GALK2: variants seen among roughly 807,000 people sequenced by gnomAD.
GALK2 encodes N-acetylgalactosamine kinase.
Under a neutral mutation model 52.4 loss-of-function variants are expected in GALK2, and 36 were observed. The ratio of observed to expected loss-of-function variants is 0.69; its 90% CI spans 0.53 to 0.91. GALK2 has a LOEUF of 0.91. Ranked by LOEUF, GALK2 falls within the 40% of genes least tolerant of loss-of-function variation. GALK2 has a pLI of 0.00. For missense variants in GALK2, 579 were observed against 559.1 expected, an observed-to-expected ratio of 1.04 and a Z score of -0.36; for synonymous variants, 176 against 199.1, an observed-to-expected ratio of 0.88 and a Z score of 0.98.
rs775892131 is a variant in GALK2 at position 49,217,277 on chromosome 15, A to G, written c.230A>G (p.Tyr77Cys). Residue 77 changes from tyrosine (Y) to cysteine (C), a missense_variant, in exon 3 of 10, where the codon TAC (tyrosine) becomes TGC (cysteine). By Grantham distance (194) the Tyr-to-Cys change is radical. Transcript: ENST00000560031. ...VLIAVEPVKT[Y>C]ALQLANTNPL... is the part of the protein sequence containing the mutation. Reference sequence around the variant, plus strand: ...ATAGCTGTAGAACCTGTGAAAACGTACGCTCTCCAACTGGCCAATACAAAT... The same window carrying G: ...ATAGCTGTAGAACCTGTGAAAACGTGCGCTCTCCAACTGGCCAATACAAAT... 23 of 1,613,832 alleles carry G rather than the reference A, an allele frequency of 1.4e-5. No homozygotes were observed. Among genetic ancestry groups the G allele is most frequent in the Non-Finnish European group, 1.9e-5 (22 of 1,179,842 alleles).
intron 1 of GALK2, among the ~76,000 whole-genome samples, chr15:49,198,749 G>C (rs2087459090): frequency 6.6e-6 from 1 of 151,260 alleles, no homozygotes; most frequent in Non-Finnish European, 1.5e-5. Flanking sequence ...CTTTCTAGTA[G>C]TAGTTTTAGA....
At chr15:49,244,499 C>T (rs1251084009) in intron 5 of GALK2, among the ~76,000 whole-genome samples, 1 of 152,134 alleles carries the variant, frequency 6.6e-6, no homozygotes. Flanking sequence ...AAGATAAAGG[C>T]AGTTGATAAA....
chr15:49,333,335 A>G (rs2039139640), downstream of GALK2, among the ~76,000 whole-genome samples: 1 of 152,166 alleles, frequency 6.6e-6, no homozygotes, highest in Non-Finnish European at 1.5e-5. Context: ...TGTGCCTATA[A>G]CTTTAACAAG....
intron 1 of GALK2, among the ~76,000 whole-genome samples, chr15:49,158,357 A>G (rs1486617671): frequency 3.9e-5 from 6 of 152,256 alleles, no homozygotes. Flanking sequence ...TTGAATGTAG[A>G]TTGGTTAGGT....
At chr15:49,325,629 A>G (rs1279872510) in intron 9 of GALK2, among the ~76,000 whole-genome samples, 1 of 152,250 alleles carries the variant, frequency 6.6e-6, no homozygotes, top group African/African-American at 2.4e-5. Context: ...CAGGCTGCTG[A>G]CCAGCTGCTG....
chr15:49,176,019 C>T (rs918064154), intron 1 of GALK2, among the ~76,000 whole-genome samples: 7 of 152,190 alleles, frequency 4.6e-5, no homozygotes, highest in Admixed American at 6.5e-5. Flanking sequence ...CTGATGCTCC[C>T]GGCTGAATAA....
chr15:49,179,781 C>G lies in GALK2; in HGVS notation c.53+9406C>G, dbSNP rs377503605. Among the ~76,000 whole-genome samples, 7 of 151,028 alleles carry G rather than the reference C, an allele frequency of 4.6e-5. No homozygotes were observed. In the East Asian group the frequency reaches 1.2e-3, roughly 25 times the overall value. ...TGATCTTTGTAGGAGCTCTTATTTT[C>G]ATATTGAAATGCTCATTGTATTTTT... is the stretch of plus-strand genomic sequence containing the variant. On this transcript the variant is annotated intron_variant, in intron 1 of 9. Transcript: ENST00000560031.
chr15:49,265,736 G>T (rs2086255), intron 5 of GALK2, among the ~76,000 whole-genome samples: 144,310 of 152,090 alleles, frequency 0.95, 68,563 homozygotes, highest in African/African-American at 0.99. Context: ...GTAGTTCCAT[G>T]TTTTTTTAAC....
intron 2 of GALK2, among the ~76,000 whole-genome samples, chr15:49,207,216 A>T (rs1236085245): frequency 1.3e-5 from 2 of 151,964 alleles, no homozygotes; most frequent in Non-Finnish European, 2.9e-5. Flanking sequence ...TAACTTTTTG[A>T]TATATTGTTG....
chr15:49,217,237 G>T lies in GALK2; in HGVS notation c.190G>T (p.Glu64Ter), dbSNP rs147777330. Residue 64 changes from glutamate to a stop codon, truncating the protein, a stop_gained, in exon 3 of 10, where the codon GAA becomes TAA. Coordinates refer to ENST00000560031, the MANE Select transcript of GALK2 (RefSeq NM_002044.4). LOFTEE classifies it high-confidence loss of function. ...ATATTCTGTTCTTCCTATGGCTGTAGAACAAGATGTGCTAATAGCTGTAGA... is the reference window on the plus strand; with the variant it reads ...ATATTCTGTTCTTCCTATGGCTGTATAACAAGATGTGCTAATAGCTGTAGA... ...CGYSVLPMAV[E>*]QDVLIAVEPV... 215 of 1,612,650 alleles carry T rather than the reference G, an allele frequency of 1.3e-4. No homozygotes were observed. Among genetic ancestry groups the T allele is most frequent in the Non-Finnish European group, 1.7e-4 (195 of 1,178,876 alleles).
At chr15:49,291,674 C>T (rs1210899504) in intron 7 of GALK2, among the ~76,000 whole-genome samples, 2 of 152,100 alleles carry the variant, frequency 1.3e-5, no homozygotes, top group Non-Finnish European at 2.9e-5. Flanking sequence ...GTACTTAACC[C>T]GCACTGTCAG....
intron 8 of GALK2, among the ~76,000 whole-genome samples, chr15:49,308,972 A>G (rs1253530660): frequency 6.6e-6 from 1 of 152,192 alleles, no homozygotes; most frequent in Admixed American, 6.5e-5. Flanking sequence ...AAGGTCTTGC[A>G]TTCTATGGTA....
downstream of GALK2, among the ~76,000 whole-genome samples, chr15:49,333,768 C>T (rs544799960): frequency 3.3e-5 from 5 of 152,118 alleles, no homozygotes; most frequent in East Asian, 1.9e-4. Flanking sequence ...CACGTGCTTA[C>T]GGGTGTGTTG....
At position 49,300,778 on chromosome 15, in the gene GALK2, G is replaced by A. The variant is rs533421790; in HGVS notation, c.967+8241G>A. Among the ~76,000 whole-genome samples the A allele has an allele frequency of 6.6e-5, 10 of 152,200 alleles. No homozygotes were observed. The East Asian group carries it at 7.7e-4, about 12-fold the overall frequency. On this transcript the variant is annotated intron_variant, in intron 8 of 9. Transcript: ENST00000560031. ...GAAGGATATGTTTGCTTCTCATTCC[G>A]CCATGATTATAAGTTCCTGAGGCCT...
intron 1 of GALK2, among the ~76,000 whole-genome samples, chr15:49,200,387 A>C (rs1352873831): frequency 6.6e-6 from 1 of 152,200 alleles, no homozygotes; most frequent in Non-Finnish European, 1.5e-5. Flanking sequence ...CCCCAAATTC[A>C]TATCTACTTG....
intron 8 of GALK2, among the ~76,000 whole-genome samples, chr15:49,314,073 T>C (rs570790637): frequency 1.3e-5 from 2 of 152,168 alleles, no homozygotes; most frequent in East Asian, 3.9e-4. Flanking sequence ...CCTCACCATT[T>C]CCCACCAGAG....
intron 7 of GALK2, among the ~76,000 whole-genome samples, chr15:49,286,865 T>A (rs1406115210): frequency 6.6e-6 from 1 of 152,190 alleles, no homozygotes; most frequent in Non-Finnish European, 1.5e-5. Context: ...TAAGGAGACC[T>A]CAAACATACA....
At chr15:49,366,282 T>G (rs1282565237) in intron 3 of GALK2, 1 of 787,572 alleles carries the variant, frequency 1.3e-6, no homozygotes, top group East Asian at 2.4e-5. Context: ...GCAATCAGTA[T>G]TTTCACATCA....
chr15:49,299,582 T>A (rs899875535), intron 8 of GALK2, among the ~76,000 whole-genome samples: 5 of 152,084 alleles, frequency 3.3e-5, no homozygotes, highest in African/African-American at 1.2e-4. Flanking sequence ...CTGATATATA[T>A]TTGTTTTCAT....
Sources: gnomAD v4.1 joint callset for allele counts (sites outside exome capture counted in the v4.1 genomes callset) on GRCh38, gnomAD v4.1.1 for gene constraint, MANE v1.5 for transcripts, NCBI Gene and HGNC (gene_info 2026-07-23, HGNC 2026-07-21) for gene names.